The following KBTBD2 variants were observed in gnomAD, a reference collection of about 807,000 sequenced individuals.
KBTBD2 encodes the protein kelch repeat and BTB domain-containing protein 2.
In KBTBD2, 17 loss-of-function variants were observed where a neutral mutation model predicts 57.1. The observed-to-expected ratio is 0.30, with a 90% CI of 0.20 to 0.45. KBTBD2 has a LOEUF of 0.45. KBTBD2 is among the 20% of genes least tolerant of loss of function. The pLI, the probability that KBTBD2 is intolerant of heterozygous loss-of-function variation, is 1.00. For synonymous variants in KBTBD2, 267 were observed against 262.7 expected, an observed-to-expected ratio of 1.02 and a Z score of -0.16; for missense variants, 515 against 750.6, an observed-to-expected ratio of 0.69 and a Z score of 3.67.
At chr7:32,888,594 T>C (rs1784641721) in intron 1 of KBTBD2, among the ~76,000 whole-genome samples, 2 of 151,926 alleles carry the variant, frequency 1.3e-5, no homozygotes, top group African/African-American at 4.8e-5. Context: ...CACCTGGCCT[T>C]TTGAAGAATC....
In KBTBD2 at chr7:32,873,639, C is replaced by G. The variant is rs891298806; in HGVS notation, c.336+1353G>C. On this transcript the variant is annotated intron_variant, in intron 3 of 3. Coordinates refer to ENST00000304056, the MANE Select transcript of KBTBD2 (RefSeq NM_015483.3). ...ATCCCAGCTATTCAGGAGGCTGAGGCAGGAGAATCACTTGAACCCAGGAGG... is the reference window on the plus strand; with the variant it reads ...ATCCCAGCTATTCAGGAGGCTGAGGGAGGAGAATCACTTGAACCCAGGAGG... 7.2e-5 allele frequency among the ~76,000 whole-genome samples: 11 copies of G among 152,176 alleles called. 1 individual carries two copies. The highest frequency in any genetic ancestry group is 2.6e-4 in the African/African-American group (11 of 41,520).
At chr7:32,880,862 G>C (rs1784428944) in intron 1 of KBTBD2, among the ~76,000 whole-genome samples, 1 of 152,088 alleles carries the variant, frequency 6.6e-6, no homozygotes, top group Admixed American at 6.5e-5. Context: ...CAGCACTTTG[G>C]TAGGCCGAGG....
chr7:32,889,595 C>T (rs567668129), intron 1 of KBTBD2, among the ~76,000 whole-genome samples: 1 of 111,838 alleles, frequency 8.9e-6, no homozygotes, highest in African/African-American at 5.0e-5. Context: ...GAGACTCTGT[C>T]TCAAAAAAAA....
chr7:32,870,083 A>C lies in KBTBD2; in HGVS notation c.1134T>G (p.Cys378Trp), dbSNP rs1371593406. 1 of 1,614,240 alleles carries C rather than the reference A, an allele frequency of 6.2e-7. No homozygotes were observed. The highest frequency in any genetic ancestry group is 2.2e-5 in the East Asian group (1 of 44,884). ...FVRIKPSLVC[C>W]EGYIYAIGGD... ...CTCCAATTGCATAGATATAGCCTTC[A>C]CAGCAAACCAAAGATGGCTTTATGC... The change falls in exon 4 of 4, where the codon TGT (cysteine) becomes TGG (tryptophan). Residue 378 changes from cysteine (C) to tryptophan (W), a missense_variant. Coordinates refer to ENST00000304056, the MANE Select transcript of KBTBD2 (RefSeq NM_015483.3).
chr7:32,878,110 TAAAAAAAA>T (rs75747214), intron 2 of KBTBD2, among the ~76,000 whole-genome samples: 1 of 134,498 alleles, frequency 7.4e-6, no homozygotes, highest in African/African-American at 2.7e-5. Context: ...CGACTGTCTT[TAAAAAAAA>T]AAAAAAAAAA....
chr7:32,884,465 AG>A (rs1336521992), intron 1 of KBTBD2, among the ~76,000 whole-genome samples: 1 of 151,716 alleles, frequency 6.6e-6, no homozygotes, highest in African/African-American at 2.4e-5. Context: ...TGAGGTGGAC[AG>A]ATCACCTGAG....
chr7:32,870,368 G>A lies in KBTBD2; in HGVS notation c.849C>T (p.Tyr283=), dbSNP rs1355048924. 1.2e-6 allele frequency: 2 copies of A among 1,613,218 alleles called. No individual in the cohort carries two copies. The highest frequency in any genetic ancestry group is 1.7e-6 in the Non-Finnish European group (2 of 1,179,696). ...CTTGGGGGCTGTAACAGACAGAAGA[G>A]TAAAGACTACAAGGATTTTCTGAAG... ...EASSENPCSL[Y]SSVCYSPQAE... Residue 283 remains tyrosine (Y), a synonymous_variant, in exon 4 of 4, where the codon TAC becomes TAT. Transcript: ENST00000304056.
intron 1 of KBTBD2, among the ~76,000 whole-genome samples, chr7:32,890,742 T>A (rs1784711133): frequency 6.6e-6 from 1 of 152,202 alleles, no homozygotes. Flanking sequence ...TGAATTCTTT[T>A]CCTATTTTCA....
At chr7:32,886,152 T>C (rs565598569) in intron 1 of KBTBD2, among the ~76,000 whole-genome samples, 1 of 152,194 alleles carries the variant, frequency 6.6e-6, no homozygotes, top group Admixed American at 6.5e-5. Context: ...TCAGGTGATC[T>C]GCCTGCCTCG....
chr7:32,888,599 A>C (rs1035027688), intron 1 of KBTBD2, among the ~76,000 whole-genome samples: 6 of 152,032 alleles, frequency 3.9e-5, no homozygotes, highest in Non-Finnish European at 8.8e-5. Context: ...GGCCTTTTGA[A>C]GAATCTATCA....
chr7:32,883,140 GA>G (rs1320163973), intron 1 of KBTBD2, among the ~76,000 whole-genome samples: 1 of 152,154 alleles, frequency 6.6e-6, no homozygotes, highest in Non-Finnish European at 1.5e-5. Flanking sequence ...GGAGGCCTAG[GA>G]GGGCAGATCA....
intron 1 of KBTBD2, among the ~76,000 whole-genome samples, chr7:32,881,896 A>G (rs188801792): frequency 6.6e-6 from 1 of 152,286 alleles, no homozygotes; most frequent in Admixed American, 6.5e-5. Flanking sequence ...ACTTTTCCAG[A>G]TTTTATAGAG....
chr7:32,883,719 T>A (rs1427049529), intron 1 of KBTBD2, among the ~76,000 whole-genome samples: 1 of 152,222 alleles, frequency 6.6e-6, no homozygotes, highest in East Asian at 1.9e-4. Context: ...TTGACTTAAT[T>A]TTCTTTTCTG....
intron 2 of KBTBD2, among the ~76,000 whole-genome samples, chr7:32,876,538 G>A (rs765903333): frequency 2.6e-5 from 4 of 152,160 alleles, no homozygotes; most frequent in Non-Finnish European, 5.9e-5. Context: ...AATGTAGGAT[G>A]AATACTCTAA....
intron 2 of KBTBD2, among the ~76,000 whole-genome samples, chr7:32,877,970 G>A (rs1240147324): frequency 6.6e-6 from 1 of 151,734 alleles, no homozygotes; most frequent in East Asian, 1.9e-4. Context: ...AAATTAGCCG[G>A]GCATGGTGGT....
intron 1 of KBTBD2, among the ~76,000 whole-genome samples, chr7:32,881,785 G>C (rs1458920945): frequency 6.6e-6 from 1 of 152,170 alleles, no homozygotes. Context: ...GTGTTGTTGA[G>C]GGTGTGGAAA....
chr7:32,882,237 G>A (rs1197193645), intron 1 of KBTBD2, among the ~76,000 whole-genome samples: 1 of 152,114 alleles, frequency 6.6e-6, no homozygotes, highest in African/African-American at 2.4e-5. Flanking sequence ...CCTAATCCCA[G>A]TAGCTGGACT....
chr7:32,880,640 G>A (rs1784423847), intron 1 of KBTBD2, among the ~76,000 whole-genome samples: 1 of 151,690 alleles, frequency 6.6e-6, no homozygotes, highest in Non-Finnish European at 1.5e-5. Flanking sequence ...GAATTAATAT[G>A]TAACTTTAAT....
rs1241591517 is a variant in KBTBD2, at chr7:32,879,853, C to G, written c.-249G>C. Reference sequence around the variant, plus strand: ...CAGTCTGCAGACATTGTGCTCAAATCTGCAATTGTGCAGCTCATGAGTGAA... The same window carrying G: ...CAGTCTGCAGACATTGTGCTCAAATGTGCAATTGTGCAGCTCATGAGTGAA... On this transcript the variant is annotated 5_prime_UTR_variant, in exon 2 of 4. Transcript: ENST00000304056. The G allele has an allele frequency of 2.5e-6, 1 of 403,930 alleles. No individual in the cohort carries two copies. The allele number at this position is 403,930 out of a possible 1,614,324, so 25.0% of individuals were successfully genotyped here. A position where few individuals can be genotyped will look rare whatever the true frequency, so the allele number is the denominator to read the frequency against.
Sources: allele counts gnomAD v4.1 joint callset (sites outside exome capture counted in the v4.1 genomes callset), GRCh38; gene constraint gnomAD v4.1.1; transcripts MANE v1.5; gene names NCBI Gene and HGNC (gene_info 2026-07-23, HGNC 2026-07-21).